Variants in DPYSL5 observed in about 807,000 individuals in gnomAD.
The protein encoded by DPYSL5 is dihydropyrimidinase-related protein 5.
DPYSL5 carries 9 observed loss-of-function variants against 58.4 expected under a neutral mutation model. That is an observed-to-expected ratio of 0.15 (90% CI 0.09 to 0.27). DPYSL5 has a LOEUF of 0.27. DPYSL5 is among the 10% of genes least tolerant of loss of function. DPYSL5 has a pLI of 1.00. For missense variants in DPYSL5, 499 were observed against 770.6 expected (o/e 0.65, Z 4.17); for synonymous variants, 293 against 301.9 (o/e 0.97, Z 0.31).
chr2:26,909,079 G>A (rs756554709), intron 2 of DPYSL5, among the ~76,000 whole-genome samples: 7 of 152,126 alleles, frequency 4.6e-5, no homozygotes, highest in South Asian at 2.1e-4. Context: ...AGAAATTTGC[G>A]TAGGTGCCAG....
chr2:26,881,570 G>C (rs193296737), intron 1 of DPYSL5, among the ~76,000 whole-genome samples: 1 of 152,202 alleles, frequency 6.6e-6, no homozygotes, highest in Non-Finnish European at 1.5e-5. Context: ...TGTCAGGTCC[G>C]TAAGAAAGAC....
intron 1 of DPYSL5, among the ~76,000 whole-genome samples, chr2:26,869,512 G>C (rs1663202524): frequency 6.6e-6 from 1 of 152,060 alleles, no homozygotes; most frequent in Non-Finnish European, 1.5e-5. Context: ...GATCAAAATA[G>C]AGAAAATACT....
chr2:26,895,514 C>T (rs879710588), intron 1 of DPYSL5, among the ~76,000 whole-genome samples: 14 of 152,082 alleles, frequency 9.2e-5, no homozygotes, highest in South Asian at 4.1e-4. Context: ...GAAGCACATA[C>T]GCATTGTGGA....
intron 1 of DPYSL5, among the ~76,000 whole-genome samples, chr2:26,889,566 G>T (rs543266111): frequency 3.6e-4 from 54 of 152,026 alleles, no homozygotes; most frequent in African/African-American, 1.2e-3. Context: ...CACCGCGCCC[G>T]GCCTGGAGAG....
intron 8 of DPYSL5, among the ~76,000 whole-genome samples, chr2:26,936,519 G>T (rs1665182402): frequency 6.6e-6 from 1 of 152,192 alleles, no homozygotes; most frequent in African/African-American, 2.4e-5. Context: ...CATGGGGATG[G>T]TCATTGTATT....
chr2:26,918,327 T>G (rs1203695017), intron 2 of DPYSL5, among the ~76,000 whole-genome samples: 1 of 152,132 alleles, frequency 6.6e-6, no homozygotes, highest in Non-Finnish European at 1.5e-5. Flanking sequence ...CCTCACTTGA[T>G]GAAATGCTTG....
In DPYSL5 at chr2:26,927,815, T is replaced by G. The variant is rs1431711610; in HGVS notation, c.600+383T>G. Among the ~76,000 whole-genome samples, 1 of 152,132 alleles carries G rather than the reference T, an allele frequency of 6.6e-6. No individual in the cohort carries two copies. Among genetic ancestry groups the G allele is most frequent in the Admixed American group, 6.5e-5 (1 of 15,274 alleles). ...TGGCCTCTTCAGAGGATCTGAGACA[T>G]TAAAGAGATCTATTCATGGCACCAG... On this transcript the variant is annotated intron_variant, in intron 4 of 12. Coordinates refer to ENST00000288699, the MANE Select transcript of DPYSL5 (RefSeq NM_020134.4). This position sits in a 1 kb window ranked among gnomAD's most constrained non-coding sequence, Gnocchi z 4.3.
chr2:26,943,201 CG>C (rs2148177399), intron 11 of DPYSL5, among the ~76,000 whole-genome samples: 1 of 152,234 alleles, frequency 6.6e-6, no homozygotes, highest in South Asian at 2.1e-4. Flanking sequence ...CACCTGAACA[CG>C]GGAGGCCCAC....
Position 26,927,216 on chromosome 2 carries a change from G to A in DPYSL5, c.421-37G>A. ...CTGCCAGTCGGCCTCTTGGGTGTCT[G>A]CCCTCACGCAGCATTGCCCTTCTAC... On this transcript the variant is annotated intron_variant, in intron 3 of 12. Coordinates refer to ENST00000288699, the MANE Select transcript of DPYSL5 (RefSeq NM_020134.4). The surrounding 1 kb of genome is among the most constrained non-coding windows in gnomAD (Gnocchi z 4.3). 3 of 1,587,062 alleles carry A rather than the reference G, an allele frequency of 1.9e-6. No individual in the cohort carries two copies. Among genetic ancestry groups the A allele is most frequent in the Non-Finnish European group, 2.6e-6 (3 of 1,164,306 alleles).
intron 8 of DPYSL5, chr2:26,939,401 A>G (rs1665261367): frequency 6.6e-6 from 1 of 152,358 alleles, no homozygotes; most frequent in South Asian, 2.1e-4. Context: ...CGGCCTCCCA[A>G]AGTGCTGGGA....
chr2:26,924,879 C>T lies in DPYSL5; in HGVS notation c.262-8C>T, dbSNP rs1293449445. The T allele has an allele frequency of 1.9e-6, 3 of 1,612,824 alleles. No homozygotes were observed. Among genetic ancestry groups the T allele is most frequent in the Non-Finnish European group, 2.5e-6 (3 of 1,179,308 alleles). ...CTGTGACGAGACTGCCTTTTCCCGT[C>T]TTCCCAGGCAGCACTCGTCGGAGGC... On this transcript the variant is annotated splice_region_variant and splice_polypyrimidine_tract_variant and intron_variant, in intron 2 of 12. Transcript: ENST00000288699. The surrounding 1 kb of genome is among the most constrained non-coding windows in gnomAD (Gnocchi z 4.7).
chr2:26,901,724 G>C (rs1572697057), intron 2 of DPYSL5, among the ~76,000 whole-genome samples: 1 of 152,136 alleles, frequency 6.6e-6, no homozygotes, highest in East Asian at 1.9e-4. Context: ...TTTTGTTCTT[G>C]TCAGACAGAT....
intron 1 of DPYSL5, among the ~76,000 whole-genome samples, chr2:26,873,458 C>A (rs1258660750): frequency 1.3e-5 from 2 of 152,134 alleles, no homozygotes; most frequent in Non-Finnish European, 2.9e-5. Context: ...TTTTGGTTGT[C>A]ACAACTGGGC....
rs1664858387 is a variant in DPYSL5, at chr2:26,927,513, A to G, written c.600+81A>G. On this transcript the variant is annotated intron_variant, in intron 4 of 12. Coordinates refer to ENST00000288699, the MANE Select transcript of DPYSL5 (RefSeq NM_020134.4). The surrounding 1 kb of genome is among the most constrained non-coding windows in gnomAD (Gnocchi z 4.3). ...CTCAGGGGATTCCTGACCACCCGTC[A>G]CTGATCCCACAGGATTCAGACAAAA... The G allele has an allele frequency of 2.0e-6, 3 of 1,514,028 alleles. No individual in the cohort carries two copies. The highest frequency in any genetic ancestry group is 2.7e-6 in the Non-Finnish European group (3 of 1,118,152). The allele number at this position is 1,514,028 out of a possible 1,614,324, so 93.8% of individuals were successfully genotyped here. A position where few individuals can be genotyped will look rare whatever the true frequency, so the allele number is the denominator to read the frequency against.
intron 1 of DPYSL5, among the ~76,000 whole-genome samples, chr2:26,868,548 C>T (rs1663173093): frequency 6.6e-6 from 1 of 152,132 alleles, no homozygotes; most frequent in South Asian, 2.1e-4. Flanking sequence ...AATTTTCTTC[C>T]AGATGAATAA....
intron 5 of DPYSL5, among the ~76,000 whole-genome samples, chr2:26,929,327 G>A (rs886881042): frequency 6.6e-6 from 1 of 152,120 alleles, no homozygotes; most frequent in African/African-American, 2.4e-5. Context: ...CTGCATCCCG[G>A]GTTCAAGCCA....
Position 26,944,713 on chromosome 2 carries a change from G to A in DPYSL5, c.1498G>A (p.Val500Met), listed in dbSNP as rs773526134. ...CTACCTGGGGGATGTCGCTGTTGTC[G>A]TGCACCCTGGGAAAAAAGAGATGGG... ...TPYLGDVAVV[V>M]HPGKKEMGTP... Residue 500 changes from valine to methionine, a missense_variant, in exon 12 of 13, where the codon GTG becomes ATG. Val to Met is a conservative substitution (Grantham distance 21). Coordinates refer to ENST00000288699, the MANE Select transcript of DPYSL5 (RefSeq NM_020134.4). This position sits in a 1 kb window ranked among gnomAD's most constrained non-coding sequence, Gnocchi z 4.4. 40 of 1,613,872 alleles carry A rather than the reference G, an allele frequency of 2.5e-5. No homozygotes were observed. In the Middle Eastern group the frequency reaches 4.9e-4, roughly 20 times the overall value.
chr2:26,943,551 C>T (rs1156415404), intron 11 of DPYSL5, among the ~76,000 whole-genome samples: 1 of 152,220 alleles, frequency 6.6e-6, no homozygotes, highest in Non-Finnish European at 1.5e-5. Context: ...GCGTGAGCCA[C>T]TGTGCGCGGC....
In DPYSL5 at chr2:26,927,041, A is replaced by G. The variant is rs181874958; in HGVS notation, c.421-212A>G. On this transcript the variant is annotated intron_variant, in intron 3 of 12. Coordinates refer to ENST00000288699, the MANE Select transcript of DPYSL5 (RefSeq NM_020134.4). The surrounding 1 kb of genome is among the most constrained non-coding windows in gnomAD (Gnocchi z 4.3). ...GTGGCTCCTAAACTGTGTCGTGTTG[A>G]CAATTTTCACAGTACTTCCGCATCC... 6.5e-4 allele frequency among the ~76,000 whole-genome samples: 99 copies of G among 152,346 alleles called. 2 individuals carry two copies. Among genetic ancestry groups the G allele is most frequent in the African/African-American group, 2.2e-3 (93 of 41,594 alleles).
Sources: allele counts gnomAD v4.1 joint callset (sites outside exome capture counted in the v4.1 genomes callset), GRCh38; gene constraint gnomAD v4.1.1; non-coding constraint Gnocchi (gnomAD v3.1); transcripts MANE v1.5; gene names NCBI Gene and HGNC (gene_info 2026-07-23, HGNC 2026-07-21).